CNOT10: variants seen among roughly 807,000 people sequenced by gnomAD.
CNOT10 encodes CCR4-NOT transcription complex, subunit 10.
A neutral mutation model predicts 94.6 loss-of-function variants in CNOT10; 30 were observed. That is an observed-to-expected ratio of 0.32 (90% confidence interval 0.24 to 0.43). CNOT10 has a LOEUF of 0.43. Ranked by LOEUF, CNOT10 falls within the 20% of genes least tolerant of loss-of-function variation. CNOT10 has a pLI of 1.00. For missense variants in CNOT10, 759 were observed against 877.2 expected (o/e 0.87, Z 1.70); for synonymous variants, 289 against 301.6 (o/e 0.96, Z 0.43).
intron 18 of CNOT10, among the ~76,000 whole-genome samples, chr3:32,772,975 C>G (rs1412606413): frequency 6.6e-6 from 1 of 152,194 alleles, no homozygotes; most frequent in Non-Finnish European, 1.5e-5. Context: ...AAGCAGCCCT[C>G]CTGCCTCAGC....
intron 13 of CNOT10, among the ~76,000 whole-genome samples, chr3:32,740,672 C>T (rs1315360432): frequency 6.6e-6 from 1 of 151,876 alleles, no homozygotes; most frequent in African/African-American, 2.4e-5. Flanking sequence ...ACCATCCTAG[C>T]TAACACGGTG....
At chr3:32,722,845 G>A (rs780403301) in intron 8 of CNOT10, among the ~76,000 whole-genome samples, 28 of 152,216 alleles carry the variant, frequency 1.8e-4, no homozygotes, top group South Asian at 6.2e-4. Context: ...TTAGCCAGGC[G>A]TGATGGCATG....
Position 32,773,751 on chromosome 3 carries a change from G to C in CNOT10, c.*140G>C, listed in dbSNP as rs1482697045. ...TTCTACCCCTGACATTTGGCCAAAA[G>C]CTTACTTAAAATTAAGGATTTACTA... On this transcript the variant is annotated 3_prime_UTR_variant, in exon 19 of 19. Transcript: ENST00000328834. 2 of 782,484 alleles carry C rather than the reference G, an allele frequency of 2.6e-6. No individual in the cohort carries two copies. The highest frequency in any genetic ancestry group is 2.6e-5 in the South Asian group (1 of 38,698). The allele number at this position is 782,484 out of a possible 1,614,324, so 48.5% of individuals were successfully genotyped here.
intron 13 of CNOT10, among the ~76,000 whole-genome samples, chr3:32,745,303 A>G (rs1699643629): frequency 1.3e-5 from 2 of 151,810 alleles, no homozygotes; most frequent in Non-Finnish European, 2.9e-5. Context: ...AGTTTTTTTT[A>G]TTATTATATT....
intron 18 of CNOT10, among the ~76,000 whole-genome samples, chr3:32,772,359 A>G (rs987393913): frequency 2.6e-5 from 4 of 151,712 alleles, no homozygotes; most frequent in African/African-American, 9.7e-5. Flanking sequence ...AAAAAAAAAA[A>G]GGGACATAAA....
At chr3:32,750,950 C>G (rs1016983851) in intron 13 of CNOT10, among the ~76,000 whole-genome samples, 3 of 152,078 alleles carry the variant, frequency 2.0e-5, no homozygotes, top group Non-Finnish European at 2.9e-5. Flanking sequence ...GTTATTCGTT[C>G]TGAGATTGTG....
intron 10 of CNOT10, chr3:32,730,908 T>C (rs1020323892): frequency 1.3e-5 from 2 of 152,328 alleles, no homozygotes; most frequent in African/African-American, 4.8e-5. Context: ...TTAAAACTTA[T>C]CTGGCACACT....
At chr3:32,707,444 T>C (rs1294099666) in intron 3 of CNOT10, among the ~76,000 whole-genome samples, 1 of 152,240 alleles carries the variant, frequency 6.6e-6, no homozygotes, top group Non-Finnish European at 1.5e-5. Context: ...TCTAGCCCTA[T>C]GGCCTTGGGC....
At chr3:32,721,439 T>TTC in intron 8 of CNOT10, among the ~76,000 whole-genome samples, 1 of 139,058 alleles carries the variant, frequency 7.2e-6, no homozygotes, top group East Asian at 2.0e-4. Context: ...CTTTTTTTTT[T>TTC]TTTTTTTTTT....
At chr3:32,732,007 A>G (rs1162161947) in intron 10 of CNOT10, among the ~76,000 whole-genome samples, 5 of 152,194 alleles carry the variant, frequency 3.3e-5, no homozygotes, top group Non-Finnish European at 7.4e-5. Flanking sequence ...TGAACCTGGG[A>G]GGCGGAGGTT....
chr3:32,743,224 T>C (rs867170625), intron 13 of CNOT10, among the ~76,000 whole-genome samples: 3 of 152,052 alleles, frequency 2.0e-5, no homozygotes, highest in Non-Finnish European at 2.9e-5. Flanking sequence ...TGACCGCAGG[T>C]GATCCATCCG....
At chr3:32,695,802 G>T (rs1438820290) in intron 1 of CNOT10, 1 of 1,535,854 alleles carries the variant, frequency 6.5e-7, no homozygotes, top group Non-Finnish European at 8.7e-7. Flanking sequence ...AAGAAATGCT[G>T]TGGGATTATG....
intron 14 of CNOT10, among the ~76,000 whole-genome samples, chr3:32,761,740 T>TC (rs1317084441): frequency 2.6e-5 from 4 of 151,368 alleles, no homozygotes; most frequent in Non-Finnish European, 4.4e-5. Context: ...TTTTTTTTTT[T>TC]TTCTTTTTTT....
rs371042727 is a variant in CNOT10 at position 32,713,386 on chromosome 3, G to A, written c.573+17G>A. ...AAGAATGAGGTGAGTCTTTAGAGGT[G>A]ATCAGACTAAAATCTAAAATGTGAT... On this transcript the variant is annotated intron_variant, in intron 5 of 18. Transcript: ENST00000328834. 4.5e-6 allele frequency: 7 copies of A among 1,559,794 alleles called. No homozygotes were observed. Among genetic ancestry groups the A allele is most frequent in the Non-Finnish European group, 1.7e-6 (2 of 1,160,082 alleles).
intron 13 of CNOT10, among the ~76,000 whole-genome samples, chr3:32,749,184 A>G (rs1699849762): frequency 6.7e-6 from 1 of 149,400 alleles, no homozygotes; most frequent in Non-Finnish European, 1.5e-5. Flanking sequence ...ATTTTCTCAC[A>G]TTCTGAGGGT....
intron 6 of CNOT10, among the ~76,000 whole-genome samples, 188 bp downstream of exon 6, chr3:32,716,499 A>G (rs1201715811): frequency 6.6e-6 from 1 of 152,208 alleles, no homozygotes; most frequent in African/African-American, 2.4e-5. Flanking sequence ...GGATAATATA[A>G]TTTATTTAAA....
At chr3:32,724,362 C>T (rs905717717) in intron 8 of CNOT10, among the ~76,000 whole-genome samples, 2 of 150,440 alleles carry the variant, frequency 1.3e-5, no homozygotes, top group Non-Finnish European at 3.0e-5. Flanking sequence ...TCTCCTACCT[C>T]AGCCTCCCGA....
At position 32,754,489 on chromosome 3, in the gene CNOT10, A is replaced by AAATATAT. The variant is rs77878221; in HGVS notation, c.1596-4968_1596-4967insATATATA. 5.2e-3 allele frequency among the ~76,000 whole-genome samples: 362 copies of AAATATAT among 70,168 alleles called. 14 individuals carry two copies. Among genetic ancestry groups the AAATATAT allele is most frequent in the East Asian group, 0.012 (20 of 1,622 alleles). The allele number at this position is 70,168 out of a possible 152,430, so 46.0% of individuals were successfully genotyped here. On this transcript the variant is annotated intron_variant, in intron 13 of 18. Coordinates refer to ENST00000328834, the MANE Select transcript of CNOT10 (RefSeq NM_015442.3). ...AAGACTCCGTCTCAAAAAAAAAAAA[A>AAATATAT]ATACATATATATATATATATTTATT...
intron 8 of CNOT10, among the ~76,000 whole-genome samples, chr3:32,724,834 C>T (rs575196265): frequency 1.3e-5 from 2 of 152,026 alleles, no homozygotes; most frequent in South Asian, 4.2e-4. Context: ...GCTGGGATTA[C>T]AGGCATGAGC....
Sources: gnomAD v4.1 joint callset for allele counts (sites outside exome capture counted in the v4.1 genomes callset) on GRCh38, gnomAD v4.1.1 for gene constraint, MANE v1.5 for transcripts, NCBI Gene and HGNC (gene_info 2026-07-23, HGNC 2026-07-21) for gene names.